PROSER3: variants seen among roughly 807,000 people sequenced by gnomAD.
PROSER3 encodes the protein proline and serine-rich protein 3.
PROSER3 carries 33 observed loss-of-function variants against 50.2 expected under a neutral mutation model. The ratio of observed to expected loss-of-function variants is 0.66; its 90% CI spans 0.50 to 0.88. PROSER3 has a LOEUF of 0.88. Ranked by LOEUF, PROSER3 falls within the 40% of genes least tolerant of loss-of-function variation. The pLI is 0.00. For missense variants in PROSER3, 623 were observed against 612.7 expected (o/e 1.02, Z -0.18); for synonymous variants, 266 against 259.3 (o/e 1.03, Z -0.25).
chr19:35,764,851 C>G lies in PROSER3; in HGVS notation c.544-3C>G, dbSNP rs2146603885. ...GCTGGCGTCTGACCCTGTCACCCTG[C>G]AGAACCTCCACACATGGAACTCATC... On this transcript the variant is annotated splice_region_variant and splice_polypyrimidine_tract_variant and intron_variant, in intron 5 of 10. Transcript: ENST00000396908. 6.2e-7 allele frequency: 1 copy of G among 1,612,842 alleles called. No individual in the cohort carries two copies. The highest frequency in any genetic ancestry group is 1.1e-5 in the South Asian group (1 of 90,952).
At chr19:35,765,694 A>C (rs764112710) in intron 7 of PROSER3, among the ~76,000 whole-genome samples, 2 of 151,932 alleles carry the variant, frequency 1.3e-5, no homozygotes, top group African/African-American at 2.4e-5. Flanking sequence ...TGCCCAGCTA[A>C]TTGTTTTTAT....
chr19:35,763,857 C>T (rs1286663150), intron 5 of PROSER3, among the ~76,000 whole-genome samples: 2 of 147,378 alleles, frequency 1.4e-5, no homozygotes, highest in East Asian at 4.0e-4. Context: ...GGCTGGAGTG[C>T]AGTGGCACAA....
exon 11 of PROSER3, chr19:35,768,624 T>G: frequency 6.7e-7 from 1 of 1,489,446 alleles, no homozygotes; most frequent in Non-Finnish European, 8.9e-7. Flanking sequence ...GAGAAAGGGG[T>G]TGTTTGGAAA....
Position 35,768,250 on chromosome 19 carries a change from C to T in PROSER3, c.1301+14C>T, listed in dbSNP as rs753314639. The T allele has an allele frequency of 6.2e-7, 1 of 1,608,042 alleles. No homozygotes were observed. The highest frequency in any genetic ancestry group is 1.1e-5 in the South Asian group (1 of 90,540). ...TCGGCAGAAAAGGTGACCGACCCTC[C>T]ATCCCCAGAGTCTATGACACTGGGC... On this transcript the variant is annotated intron_variant, in intron 10 of 10. Coordinates refer to ENST00000396908, the Ensembl canonical transcript of PROSER3.
intron 7 of PROSER3, 29 bp from the exon 8 acceptor site, chr19:35,766,739 C>T (rs1971152518): frequency 6.6e-7 from 1 of 1,514,346 alleles, no homozygotes; most frequent in Non-Finnish European, 8.9e-7. Context: ...GCCCCTGCCT[C>T]ACCCTCTCCT....
chr19:35,761,991 C>G, intron 3 of PROSER3, 28 bp from the exon 4 acceptor site: 1 of 1,564,056 alleles, frequency 6.4e-7, no homozygotes, highest in Non-Finnish European at 8.7e-7. Context: ...CCTCACTCCA[C>G]TCACCTCCTA....
chr19:35,763,326 T>C (rs1462334520), intron 5 of PROSER3, among the ~76,000 whole-genome samples: 24 of 146,914 alleles, frequency 1.6e-4, no homozygotes, highest in East Asian at 6.3e-4. Context: ...CTCAGCCTCC[T>C]GAGTAGCTGG....
At chr19:35,761,335 T>A (rs963722468) in intron 3 of PROSER3, among the ~76,000 whole-genome samples, 1 of 152,086 alleles carries the variant, frequency 6.6e-6, no homozygotes, top group Admixed American at 6.5e-5. Flanking sequence ...CAGGAGTTCC[T>A]GACCAGCCTG....
intron 8 of PROSER3, 44 bp downstream of exon 8, chr19:35,766,999 G>C (rs1332448193): frequency 3.9e-6 from 6 of 1,522,770 alleles, no homozygotes; most frequent in Non-Finnish European, 5.3e-6. Context: ...TGGAGGAGGG[G>C]CTGGGTCTGA....
At chr19:35,758,678 T>C (rs2146545502) in intron 1 of PROSER3, 1 of 162,344 alleles carries the variant, frequency 6.2e-6, no homozygotes, top group East Asian at 1.7e-4. Flanking sequence ...TTTCTTTCTT[T>C]TTTTTTAAGA....
chr19:35,758,212 C>CGG lies in PROSER3; in HGVS notation c.-2_-1dup. ...GCGGCCGGAAGCGCGGAGGGAGCCGCGGGATGGACCGCAGGTGAGGCCGAT... is the reference window on the plus strand; with the variant it reads ...GCGGCCGGAAGCGCGGAGGGAGCCGCGGGGGATGGACCGCAGGTGAGGCCGAT... On this transcript the variant is annotated 5_prime_UTR_variant, in exon 1 of 11. Transcript: ENST00000396908. The CGG allele has an allele frequency of 2.6e-6, 4 of 1,561,590 alleles. No individual in the cohort carries two copies. The South Asian group carries it at 4.7e-5, about 18-fold the overall frequency.
chr19:35,759,023 GA>G (rs1281391824), intron 1 of PROSER3: 4 of 208,308 alleles, frequency 1.9e-5, no homozygotes, highest in Non-Finnish European at 3.9e-5. Context: ...GGACGCTGCG[GA>G]AAAGACACGG....
intron 3 of PROSER3, 34 bp from the exon 4 acceptor site, chr19:35,761,981 CCTCA>C: frequency 6.5e-7 from 1 of 1,550,136 alleles, no homozygotes; most frequent in Non-Finnish European, 8.8e-7. Context: ...ATTTGGCTCT[CCTCA>C]CTCCACTCAC....
downstream of PROSER3, chr19:35,770,702 A>C (rs937540514): frequency 2.0e-5 from 3 of 151,840 alleles, no homozygotes; most frequent in Non-Finnish European, 2.9e-5. Context: ...ACATGGTGAA[A>C]TGTCTCTACT....
rs1471409609 is a variant in PROSER3, at chr19:35,758,322, C to T, written c.11+96C>T. The T allele has an allele frequency of 4.9e-6, 7 of 1,421,330 alleles. No homozygotes were observed. The African/African-American group carries it at 1.0e-4, about 21-fold the overall frequency. 88.0% of individuals were successfully genotyped at this position (1,421,330 alleles called of 1,614,324 possible). On this transcript the variant is annotated intron_variant, in intron 1 of 10. Coordinates refer to ENST00000396908, the Ensembl canonical transcript of PROSER3. ...GGACGGGCTGGATACGGTCTGGAGT[C>T]GCTAGGGCTCCACCGCACTGGAACT...
chr19:35,766,632 G>A (rs1381596605), intron 7 of PROSER3, 136 bp from the exon 8 acceptor site: 9 of 614,764 alleles, frequency 1.5e-5, no homozygotes, highest in Middle Eastern at 4.5e-4. Context: ...CCACCCCAGA[G>A]AGGAGCTGGG....
In PROSER3 at chr19:35,759,772, C is replaced by T. The variant is rs1204791715; in HGVS notation, c.109-17C>T. ...AGACCTCACACTTTTTCTTCTTGTG[C>T]TCTTCCCTGATCTTAGACCCTGAGC... On this transcript the variant is annotated splice_polypyrimidine_tract_variant and intron_variant, in intron 2 of 10. Transcript: ENST00000396908. 3.9e-6 allele frequency: 6 copies of T among 1,550,254 alleles called. No homozygotes were observed. The highest frequency in any genetic ancestry group is 5.2e-6 in the Non-Finnish European group (6 of 1,145,328).
At chr19:35,767,169 CCTT>C in intron 8 of PROSER3, 2 of 553,948 alleles carry the variant, frequency 3.6e-6, no homozygotes, top group African/African-American at 1.9e-5. Context: ...CCACCAGAGG[CCTT>C]CTATGTGGAG....
chr19:35,759,087 C>T lies in PROSER3; in HGVS notation c.12-287C>T. ...GATTCTGTTGGTCTGGAATGGGAACCGCGCGCCTGTAACGTTGAAAAGCCC... is the reference window on the plus strand; with the variant it reads ...GATTCTGTTGGTCTGGAATGGGAACTGCGCGCCTGTAACGTTGAAAAGCCC... On this transcript the variant is annotated intron_variant, in intron 1 of 10. Transcript: ENST00000396908. The T allele has an allele frequency of 8.7e-6, 3 of 342,894 alleles. No individual in the cohort carries two copies. The South Asian group carries it at 1.4e-4, about 16-fold the overall frequency. The allele number at this position is 342,894 out of a possible 1,614,324, so 21.2% of individuals were successfully genotyped here. A position where few individuals can be genotyped will look rare whatever the true frequency, so the allele number is the denominator to read the frequency against.
Sources: allele counts gnomAD v4.1 joint callset (sites outside exome capture counted in the v4.1 genomes callset), GRCh38; gene constraint gnomAD v4.1.1; transcripts MANE v1.5; gene names NCBI Gene and HGNC (gene_info 2026-07-23, HGNC 2026-07-21).